The following ERC1 variants were observed in gnomAD, a reference collection of about 807,000 sequenced individuals.
The protein encoded by ERC1 is RAB6 interacting protein 2.
A neutral mutation model predicts 132.0 loss-of-function variants in ERC1; 56 were observed. The observed-to-expected ratio is 0.42, with a 90% CI of 0.34 to 0.53. The LOEUF is 0.53. ERC1 is among the 20% of genes least tolerant of loss of function. ERC1 has a pLI of 0.03. For missense variants in ERC1, 1,202 were observed against 1,349.9 expected (o/e 0.89, Z 1.72); for synonymous variants, 478 against 476.1 (o/e 1.00, Z -0.05).
At chr12:1,375,549 C>G (rs1483053676) in intron 16 of ERC1, among the ~76,000 whole-genome samples, 4 of 152,032 alleles carry the variant, frequency 2.6e-5, no homozygotes, top group African/African-American at 7.3e-5. Flanking sequence ...ACTTATTTAC[C>G]CATTCACTTC....
Position 1,263,461 on chromosome 12 carries a change from T to A in ERC1, c.2619+296T>A, listed in dbSNP as rs566925824. 6.6e-5 allele frequency among the ~76,000 whole-genome samples: 10 copies of A among 152,336 alleles called. No individual in the cohort carries two copies. In the East Asian group the frequency reaches 1.9e-3, roughly 29 times the overall value. On this transcript the variant is annotated intron_variant, in intron 14 of 18. Transcript: ENST00000360905. The stretch of plus-strand genomic sequence containing the variant: ...CCTGTTCCTAGATAAATGCCTTGTC[T>A]ACTCTTTCTTAAATAAGAATTGAAA...
At chr12:1,255,029 G>A (rs1304927995) in intron 13 of ERC1, among the ~76,000 whole-genome samples, 1 of 151,296 alleles carries the variant, frequency 6.6e-6, no homozygotes, top group East Asian at 1.9e-4. Context: ...GTGCCATGGT[G>A]AGTTGCTGCA....
chr12:998,246 C>T (rs1961357715), intron 1 of ERC1: 1 of 152,204 alleles, frequency 6.6e-6, no homozygotes, highest in South Asian at 2.1e-4. Context: ...CTTATTTAAC[C>T]TCTTAGCAGC....
At chr12:1,342,334 G>A (rs759736811) in intron 15 of ERC1, among the ~76,000 whole-genome samples, 2 of 152,048 alleles carry the variant, frequency 1.3e-5, no homozygotes, top group East Asian at 1.9e-4. Flanking sequence ...GGGCATGGTG[G>A]CACACGCCTG....
At chr12:1,195,260 C>T (rs1956115362) in intron 12 of ERC1, among the ~76,000 whole-genome samples, 1 of 152,174 alleles carries the variant, frequency 6.6e-6, no homozygotes, top group South Asian at 2.1e-4. Context: ...TGCCCCTTTA[C>T]AGCAAATCTC....
chr12:1,144,094 A>G (rs745701750), intron 8 of ERC1, among the ~76,000 whole-genome samples: 1 of 152,132 alleles, frequency 6.6e-6, no homozygotes, highest in Non-Finnish European at 1.5e-5. Context: ...TGTGTACCAC[A>G]CTACATGATA....
At chr12:1,484,131 CCATCT>C (rs2094154597) in intron 18 of ERC1, among the ~76,000 whole-genome samples, 1 of 151,546 alleles carries the variant, frequency 6.6e-6, no homozygotes. Flanking sequence ...TGGTGAAACC[CCATCT>C]CTACTAAAAA....
At chr12:1,034,225 TAAA>T (rs894771876) in intron 2 of ERC1, among the ~76,000 whole-genome samples, 3 of 152,090 alleles carry the variant, frequency 2.0e-5, no homozygotes, top group East Asian at 1.9e-4. Flanking sequence ...GTATTGTTAA[TAAA>T]AAATCACAGT....
Position 1,298,542 on chromosome 12 carries a change from C to CAAA in ERC1, c.2780+8542_2780+8544dup, listed in dbSNP as rs759796167. Among the ~76,000 whole-genome samples the CAAA allele has an allele frequency of 1.2e-3, 89 of 74,794 alleles. 2 individuals are homozygous for CAAA. The highest frequency in any genetic ancestry group is 3.4e-3 in the African/African-American group (78 of 22,634). 49.1% of individuals were successfully genotyped at this position (74,794 alleles called of 152,430 possible). A position where few individuals can be genotyped will look rare whatever the true frequency, so the allele number is the denominator to read the frequency against. Reference sequence around the variant, plus strand: ...TGGACGACAGAACGAGACTCTGTCACAAAAAAAAAAAAAACAAACAAACAA... The same window carrying CAAA: ...TGGACGACAGAACGAGACTCTGTCACAAAAAAAAAAAAAAAAACAAACAAACAA... On this transcript the variant is annotated intron_variant, in intron 15 of 18. Transcript: ENST00000360905.
intron 1 of ERC1, among the ~76,000 whole-genome samples, chr12:1,005,411 G>T (rs751323553): frequency 6.6e-6 from 1 of 152,108 alleles, no homozygotes; most frequent in Non-Finnish European, 1.5e-5. Context: ...CGAGTGTTGG[G>T]ATTACAGGCA....
intron 7 of ERC1, 44 bp from the exon 8 acceptor site, chr12:1,141,576 C>T: frequency 6.6e-7 from 1 of 1,509,944 alleles, no homozygotes; most frequent in East Asian, 2.3e-5. Context: ...GAATTACATT[C>T]TTTTCTTTTT....
intron 3 of ERC1, among the ~76,000 whole-genome samples, chr12:1,099,389 T>C (rs1944406119): frequency 6.6e-6 from 1 of 152,052 alleles, no homozygotes; most frequent in Non-Finnish European, 1.5e-5. Context: ...GCCGAAAACA[T>C]ACCTGTGAGA....
chr12:1,297,349 T>C (rs2080033904), intron 15 of ERC1, among the ~76,000 whole-genome samples: 1 of 151,962 alleles, frequency 6.6e-6, no homozygotes, highest in Non-Finnish European at 1.5e-5. Context: ...ATGAGTGTTC[T>C]TCAAGCTGAA....
intron 8 of ERC1, among the ~76,000 whole-genome samples, chr12:1,145,685 C>T (rs1439565219): frequency 6.6e-6 from 1 of 152,086 alleles, no homozygotes; most frequent in East Asian, 1.9e-4. Context: ...GTGTTATCTT[C>T]TAGAATTTTT....
chr12:1,446,520 A>C (rs1006611425), intron 18 of ERC1, among the ~76,000 whole-genome samples: 3 of 152,224 alleles, frequency 2.0e-5, no homozygotes, highest in African/African-American at 7.2e-5. Context: ...CTTTGAAGCT[A>C]CTTACTATTT....
At chr12:1,349,271 C>T (rs747197148) in intron 15 of ERC1, among the ~76,000 whole-genome samples, 4 of 152,148 alleles carry the variant, frequency 2.6e-5, no homozygotes, top group African/African-American at 7.2e-5. Flanking sequence ...ATGTGACTGA[C>T]CTTTGGCTTC....
In ERC1 at chr12:1,493,548, A is replaced by AAAAAAATATATATAT. The variant is rs56939346; in HGVS notation, c.*3319_*3320insAAAAATATATATATA. 17 of 13,614 alleles carry AAAAAAATATATATAT rather than the reference A, an allele frequency of 1.2e-3. 1 individual carries two copies. Among genetic ancestry groups the AAAAAAATATATATAT allele is most frequent in the Non-Finnish European group, 1.9e-3 (13 of 6,814 alleles). The allele number at this position is 13,614 out of a possible 1,614,324, so 0.8% of individuals were successfully genotyped here. The stretch of plus-strand genomic sequence containing the variant: ...ACTCCATTTAAAAAAAAAAAAAAAA[A>AAAAAAATATATATAT]ATATATATATATATATATATATATA... On this transcript the variant is annotated 3_prime_UTR_variant, in exon 19 of 19. Coordinates refer to ENST00000360905, the MANE Select transcript of ERC1 (RefSeq NM_178040.4).
intron 18 of ERC1, among the ~76,000 whole-genome samples, chr12:1,475,513 G>A (rs1383414079): frequency 7.2e-5 from 11 of 152,128 alleles, no homozygotes; most frequent in South Asian, 2.1e-4. Context: ...GGGCTCAACC[G>A]TGAAGGATAA....
intron 16 of ERC1, among the ~76,000 whole-genome samples, chr12:1,376,846 C>T (rs995577829): frequency 1.3e-5 from 2 of 152,180 alleles, no homozygotes; most frequent in Non-Finnish European, 2.9e-5. Flanking sequence ...CCGTAAAGAA[C>T]CAGAAACAAA....
Sources: gnomAD v4.1 joint callset for allele counts (sites outside exome capture counted in the v4.1 genomes callset) on GRCh38, gnomAD v4.1.1 for gene constraint, MANE v1.5 for transcripts, NCBI Gene and HGNC (gene_info 2026-07-23, HGNC 2026-07-21) for gene names.